NTM: variants seen among roughly 807,000 people sequenced by gnomAD.
NTM encodes the protein neurotrimin, also known as IgLON family member 2.
In NTM, 13 loss-of-function variants were observed where a neutral mutation model predicts 42.1. That is an observed-to-expected ratio of 0.31 (90% CI 0.20 to 0.49). The LOEUF (loss-of-function observed/expected upper bound fraction) is 0.49, where lower values mean the gene tolerates loss of function less well. Among genes scored for constraint, NTM ranks in the 20% least tolerant of loss-of-function variants. The pLI is 0.99. For synonymous variants in NTM, 187 were observed against 179.2 expected, an observed-to-expected ratio of 1.04 and a Z score of -0.35; for missense variants, 373 against 452.8, an observed-to-expected ratio of 0.82 and a Z score of 1.60.
chr11:132,039,506 T>C (rs796644551), intron 2 of NTM, among the ~76,000 whole-genome samples: 3 of 151,716 alleles, frequency 2.0e-5, no homozygotes, highest in East Asian at 1.9e-4. Context: ...ATTGCTGTAA[T>C]TGTGAATCTG....
chr11:132,070,778 C>A (rs1353706535), intron 2 of NTM, among the ~76,000 whole-genome samples: 1 of 103,890 alleles, frequency 9.6e-6, no homozygotes, highest in African/African-American at 3.8e-5. Context: ...ACGTCACTCA[C>A]CCAGGTTAAC....
At chr11:131,512,244 C>G (rs867216756) in intron 1 of NTM, among the ~76,000 whole-genome samples, 1 of 152,182 alleles carries the variant, frequency 6.6e-6, no homozygotes, top group African/African-American at 2.4e-5. Context: ...GAATTGATTA[C>G]GGAAAAATCA....
At chr11:131,450,356 C>A (rs1950389088) in intron 1 of NTM, among the ~76,000 whole-genome samples, 1 of 152,190 alleles carries the variant, frequency 6.6e-6, no homozygotes, top group South Asian at 2.1e-4. Context: ...CATCTATTGG[C>A]CAGAACTCAG....
intron 1 of NTM, among the ~76,000 whole-genome samples, chr11:131,735,692 G>C (rs1448359570): frequency 6.6e-6 from 1 of 152,098 alleles, no homozygotes; most frequent in African/African-American, 2.4e-5. Flanking sequence ...TGGTTTTGTT[G>C]GGTGCTTCCA....
At chr11:132,114,354 C>T (rs935770711) in intron 2 of NTM, among the ~76,000 whole-genome samples, 1 of 152,144 alleles carries the variant, frequency 6.6e-6, no homozygotes, top group Non-Finnish European at 1.5e-5. Flanking sequence ...CAGTGTCCTC[C>T]TCCTTAAATG....
intron 4 of NTM, among the ~76,000 whole-genome samples, chr11:132,234,076 A>T (rs1199515499): frequency 2.0e-5 from 3 of 152,194 alleles, no homozygotes; most frequent in Non-Finnish European, 2.9e-5. Flanking sequence ...CATTATGCAA[A>T]CAATTCTATA....
intron 1 of NTM, among the ~76,000 whole-genome samples, chr11:131,882,204 C>T (rs141274405): frequency 6.6e-6 from 1 of 152,266 alleles, no homozygotes; most frequent in East Asian, 1.9e-4. Flanking sequence ...GTCTTTCTAT[C>T]TATCTATGTG....
intron 2 of NTM, among the ~76,000 whole-genome samples, chr11:131,912,834 G>A (rs117510182): frequency 2.2e-3 from 332 of 152,274 alleles, no homozygotes; most frequent in Non-Finnish European, 3.1e-3. Context: ...GTTTTGGACT[G>A]TATACTTAAG....
intron 1 of NTM, among the ~76,000 whole-genome samples, chr11:131,887,095 T>C (rs1440372541): frequency 6.6e-6 from 1 of 152,210 alleles, no homozygotes; most frequent in Non-Finnish European, 1.5e-5. Context: ...TTGATAACAA[T>C]GTATTGTACA....
intron 3 of NTM, among the ~76,000 whole-genome samples, chr11:132,160,992 T>G (rs777109505): frequency 1.3e-5 from 2 of 152,158 alleles, no homozygotes; most frequent in Non-Finnish European, 2.9e-5. Context: ...GGAGCCAAGT[T>G]AGGGGAGAGC....
intron 1 of NTM, among the ~76,000 whole-genome samples, chr11:131,498,614 A>G (rs1422506006): frequency 6.6e-6 from 1 of 152,018 alleles, no homozygotes; most frequent in Non-Finnish European, 1.5e-5. Flanking sequence ...ATCTTGTTTC[A>G]TTAAAAATGC....
intron 1 of NTM, among the ~76,000 whole-genome samples, chr11:131,754,295 GAAAAA>G (rs61665499): frequency 6.6e-6 from 1 of 151,522 alleles, no homozygotes; most frequent in African/African-American, 2.4e-5. Context: ...AAAAAAAAAA[GAAAAA>G]AGAAAAGTTG....
Position 131,443,131 on chromosome 11 carries a change from A to T in NTM, c.82+72243A>T, listed in dbSNP as rs561892266. On this transcript the variant is annotated intron_variant, in intron 1 of 8. Coordinates refer to ENST00000683400, the MANE Select transcript of NTM (RefSeq NM_001352005.2). ...CAGAACTTGAGGGCATCTAATACAC[A>T]GTACGTGTGGTGAGCTGAACAGGGT... 2.6e-4 allele frequency among the ~76,000 whole-genome samples: 40 copies of T among 152,272 alleles called. No individual in the cohort carries two copies. In the South Asian group the frequency reaches 6.4e-3, roughly 24 times the overall value.
chr11:131,974,496 A>C (rs2064026285), intron 2 of NTM, among the ~76,000 whole-genome samples: 1 of 152,206 alleles, frequency 6.6e-6, no homozygotes, highest in Non-Finnish European at 1.5e-5. Flanking sequence ...CTTTGCTCTC[A>C]TGTTAATGAG....
chr11:131,885,628 A>G (rs575682451), intron 1 of NTM, among the ~76,000 whole-genome samples: 44 of 152,234 alleles, frequency 2.9e-4, no homozygotes, highest in Admixed American at 1.0e-3. Context: ...CCCACCTGTC[A>G]TCTCCCCACA....
At chr11:132,029,432 C>T (rs1192104549) in intron 2 of NTM, among the ~76,000 whole-genome samples, 1 of 146,292 alleles carries the variant, frequency 6.8e-6, no homozygotes, top group Admixed American at 7.2e-5. Flanking sequence ...TGAGTGAGAA[C>T]ATGCGGTGTT....
chr11:131,554,422 A>T (rs2055113095), intron 1 of NTM, among the ~76,000 whole-genome samples: 1 of 152,136 alleles, frequency 6.6e-6, no homozygotes, highest in Admixed American at 6.5e-5. Flanking sequence ...ATCACATGAG[A>T]CTTTTGGCAG....
chr11:132,235,670 C>T (rs1281845524), intron 4 of NTM, among the ~76,000 whole-genome samples: 1 of 152,110 alleles, frequency 6.6e-6, no homozygotes, highest in East Asian at 1.9e-4. Context: ...GACCACCCTG[C>T]CATAAGCATC....
chr11:131,449,113 G>A (rs1950283687), intron 1 of NTM, among the ~76,000 whole-genome samples: 1 of 152,228 alleles, frequency 6.6e-6, no homozygotes, highest in African/African-American at 2.4e-5. Flanking sequence ...TGGTGCTTCT[G>A]AGCTATAAAT....
Sources: allele counts gnomAD v4.1 joint callset (sites outside exome capture counted in the v4.1 genomes callset), GRCh38; gene constraint gnomAD v4.1.1; transcripts MANE v1.5; gene names NCBI Gene and HGNC (gene_info 2026-07-23, HGNC 2026-07-21).